BICC1: variants seen among roughly 807,000 people sequenced by gnomAD.
The protein encoded by BICC1 is protein bicaudal C homolog 1.
In BICC1, 43 loss-of-function variants were observed where a neutral mutation model predicts 111.0. The ratio of observed to expected loss-of-function variants is 0.39; its 90% CI spans 0.30 to 0.50. The LOEUF (loss-of-function observed/expected upper bound fraction) is 0.50. Ranked by LOEUF, BICC1 falls within the 20% of genes least tolerant of loss-of-function variation. The probability of loss-of-function intolerance (pLI) is 0.88; values close to 1 mark genes in which losing one functional copy is unlikely to be tolerated. For missense variants in BICC1, 1,091 were observed against 1,203.2 expected (o/e 0.91, Z 1.38); for synonymous variants, 467 against 434.4 (o/e 1.07, Z -0.93).
chr10:58,682,362 T>C (rs945366217), intron 2 of BICC1, among the ~76,000 whole-genome samples: 2 of 152,064 alleles, frequency 1.3e-5, no homozygotes, highest in African/African-American at 4.8e-5. Context: ...GCATGATTTA[T>C]ATTCCTTTGG....
intron 2 of BICC1, among the ~76,000 whole-genome samples, chr10:58,639,026 T>G (rs1214280857): frequency 1.3e-5 from 2 of 150,446 alleles, no homozygotes; most frequent in Non-Finnish European, 3.0e-5. Flanking sequence ...CATTGTGGAA[T>G]AGCTAAATCA....
chr10:58,672,498 G>C (rs540032482), intron 2 of BICC1, among the ~76,000 whole-genome samples: 1 of 152,080 alleles, frequency 6.6e-6, no homozygotes, highest in African/African-American at 2.4e-5. Flanking sequence ...GCTTAGAAAA[G>C]GTAGCCTTTT....
intron 3 of BICC1, among the ~76,000 whole-genome samples, chr10:58,706,469 T>C (rs1048536224): frequency 2.0e-5 from 3 of 152,214 alleles, no homozygotes; most frequent in African/African-American, 7.2e-5. Flanking sequence ...CTTCTTTTGC[T>C]CTTAATCTGC....
chr10:58,649,070 T>C (rs1838361253), intron 2 of BICC1, among the ~76,000 whole-genome samples: 1 of 152,100 alleles, frequency 6.6e-6, no homozygotes, highest in African/African-American at 2.4e-5. Flanking sequence ...AATAAGAAGA[T>C]TAAAGAGAGA....
At chr10:58,631,199 G>A (rs1837782722) in intron 2 of BICC1, among the ~76,000 whole-genome samples, 1 of 152,276 alleles carries the variant, frequency 6.6e-6, no homozygotes, top group South Asian at 2.1e-4. Context: ...CCAACATGCA[G>A]AAAGGTTAGC....
intron 15 of BICC1, among the ~76,000 whole-genome samples, chr10:58,806,149 T>TA (rs2132898216): frequency 6.6e-6 from 1 of 152,290 alleles, no homozygotes; most frequent in East Asian, 1.9e-4. Flanking sequence ...AGGCCACGCT[T>TA]ACCTAAATGA....
At chr10:58,702,816 A>G (rs1304457423) in intron 3 of BICC1, among the ~76,000 whole-genome samples, 2 of 152,324 alleles carry the variant, frequency 1.3e-5, no homozygotes, top group African/African-American at 2.4e-5. Context: ...AGTATATTTC[A>G]TTAGAAGAAT....
At chr10:58,816,273 A>G (rs1844083946) in intron 18 of BICC1, among the ~76,000 whole-genome samples, 1 of 152,058 alleles carries the variant, frequency 6.6e-6, no homozygotes, top group Non-Finnish European at 1.5e-5. Context: ...CGGTACCTCA[A>G]TAGTCACTCC....
chr10:58,733,325 G>A (rs1199976431), intron 3 of BICC1, among the ~76,000 whole-genome samples: 1 of 152,196 alleles, frequency 6.6e-6, no homozygotes, highest in Non-Finnish European at 1.5e-5. Flanking sequence ...GATTATGTGA[G>A]CTTTAACATG....
At chr10:58,693,121 T>A (rs1839962289) in intron 2 of BICC1, among the ~76,000 whole-genome samples, 1 of 152,212 alleles carries the variant, frequency 6.6e-6, no homozygotes, top group Admixed American at 6.5e-5. Flanking sequence ...TTTGGTTTTT[T>A]GTCCTTGCGA....
intron 1 of BICC1, among the ~76,000 whole-genome samples, chr10:58,605,325 G>A (rs557758534): frequency 1.3e-5 from 2 of 152,234 alleles, no homozygotes; most frequent in East Asian, 1.9e-4. Flanking sequence ...TTTATTCCTT[G>A]AGCTGTTTCT....
At chr10:58,612,714 G>A (rs1274937893) in intron 1 of BICC1, among the ~76,000 whole-genome samples, 1 of 152,008 alleles carries the variant, frequency 6.6e-6, no homozygotes, top group Non-Finnish European at 1.5e-5. Context: ...AATTCCAAAG[G>A]GGAAGAAACC....
intron 1 of BICC1, among the ~76,000 whole-genome samples, chr10:58,588,738 T>C (rs1428766330): frequency 6.6e-6 from 1 of 152,200 alleles, no homozygotes; most frequent in Admixed American, 6.5e-5. Flanking sequence ...CCTATGTTGC[T>C]TTGAGTATAC....
At position 58,727,329 on chromosome 10, in the gene BICC1, A is replaced by G. The variant is rs139094259; in HGVS notation, c.307+25186A>G. Among the ~76,000 whole-genome samples, 26 of 152,264 alleles carry G rather than the reference A, an allele frequency of 1.7e-4. No homozygotes were observed. The East Asian group carries it at 2.3e-3, about 14-fold the overall frequency. On this transcript the variant is annotated intron_variant, in intron 3 of 20. Transcript: ENST00000373886. ...AGGCTGCGCACAATGGCTCATGCCT[A>G]TAGTCCCAGTACTTTGGGAGGCTGA...
chr10:58,610,343 A>G (rs937433815), intron 1 of BICC1, among the ~76,000 whole-genome samples: 2 of 152,162 alleles, frequency 1.3e-5, no homozygotes, highest in Non-Finnish European at 2.9e-5. Flanking sequence ...TATTGGCAGG[A>G]AAAAGATTTT....
chr10:58,581,379 T>C (rs1844275712), intron 1 of BICC1, among the ~76,000 whole-genome samples: 1 of 152,224 alleles, frequency 6.6e-6, no homozygotes, highest in Admixed American at 6.5e-5. Flanking sequence ...TTCATCTATA[T>C]ACATGCTTAA....
At chr10:58,823,213 C>A in intron 20 of BICC1, 1 of 984,984 alleles carries the variant, frequency 1.0e-6, no homozygotes, top group Non-Finnish European at 1.2e-6. Context: ...CATTTCCCGA[C>A]CTATTCTTTT....
rs931626330 is a variant in BICC1 at position 58,512,900 on chromosome 10, C to T, written c.-244C>T. ...CCGCGCGGGCGTTGCTGGCGGGGGG[C>T]GGCGCAGCCACTGGACCCGGACCGG... is the stretch of plus-strand genomic sequence containing the variant. On this transcript the variant is annotated 5_prime_UTR_variant, in exon 1 of 21. Transcript: ENST00000373886. Among the ~76,000 whole-genome samples, 5 of 147,460 alleles carry T rather than the reference C, an allele frequency of 3.4e-5. No individual in the cohort carries two copies. Among genetic ancestry groups the T allele is most frequent in the African/African-American group, 9.7e-5 (4 of 41,086 alleles).
At chr10:58,792,095 T>C (rs1202391883) in intron 8 of BICC1, among the ~76,000 whole-genome samples, 2 of 152,130 alleles carry the variant, frequency 1.3e-5, no homozygotes, top group African/African-American at 2.4e-5. Flanking sequence ...CCCGGCTTAG[T>C]AATTCATTTT....
Sources: gnomAD v4.1 joint callset for allele counts (sites outside exome capture counted in the v4.1 genomes callset) on GRCh38, gnomAD v4.1.1 for gene constraint, MANE v1.5 for transcripts, NCBI Gene and HGNC (gene_info 2026-07-23, HGNC 2026-07-21) for gene names.